APOLD1: variants seen among roughly 807,000 people sequenced by gnomAD.
APOLD1 encodes apolipoprotein L domain containing 1, also known as apolipoprotein L domain-containing protein 1.
A neutral mutation model predicts 15.3 loss-of-function variants in APOLD1; 22 were observed. That is an observed-to-expected ratio of 1.44 (90% CI 1.03 to 2.05). APOLD1 has a LOEUF of 2.05. APOLD1 is among the 30% of genes most tolerant of loss of function. The pLI is 0.00. For missense variants in APOLD1, 394 were observed against 353.5 expected (o/e 1.11, Z -0.92); for synonymous variants, 190 against 167.4 (o/e 1.13, Z -1.04).
At chr12:12,750,178 G>C (rs913928725) in intron 1 of APOLD1, among the ~76,000 whole-genome samples, 1 of 152,060 alleles carries the variant, frequency 6.6e-6, no homozygotes, top group African/African-American at 2.4e-5. Flanking sequence ...TTCGAGACCG[G>C]CCTGACCAAC....
rs989112396 is a variant in APOLD1, at chr12:12,785,695, G to T, written c.3+1G>T. 1 of 1,613,830 alleles carries T rather than the reference G, an allele frequency of 6.2e-7. No individual in the cohort carries two copies. The highest frequency in any genetic ancestry group is 8.5e-7 in the Non-Finnish European group (1 of 1,179,676). ...TCCTGGAGGCAGACAGAAGTGAATG[G>T]TAAGTGGGGAACCCTGAGGCATATA... On this transcript the variant is annotated splice_donor_variant, in intron 1 of 1. Transcript: ENST00000356591. LOFTEE classifies it high-confidence loss of function.
intron 1 of APOLD1, among the ~76,000 whole-genome samples, chr12:12,776,011 A>AAAAC (rs1555091992): frequency 6.7e-6 from 1 of 150,354 alleles, no homozygotes; most frequent in African/African-American, 2.4e-5. Context: ...CTCAAAAAAA[A>AAAAC]AAAAAAAAAA....
At chr12:12,760,807 C>T (rs1946893077) in intron 1 of APOLD1, among the ~76,000 whole-genome samples, 1 of 151,982 alleles carries the variant, frequency 6.6e-6, no homozygotes, top group African/African-American at 2.4e-5. Context: ...AAAGGGCAAC[C>T]CCCTTCCCCA....
chr12:12,760,296 A>T (rs2136385511), intron 1 of APOLD1, among the ~76,000 whole-genome samples: 1 of 152,236 alleles, frequency 6.6e-6, no homozygotes, highest in Non-Finnish European at 1.5e-5. Flanking sequence ...ACTGTACTCC[A>T]GCCTGGGTGA....
intron 1 of APOLD1, among the ~76,000 whole-genome samples, chr12:12,780,273 C>T (rs181612297): frequency 6.7e-6 from 1 of 148,602 alleles, no homozygotes; most frequent in Admixed American, 6.8e-5. Context: ...GAGACAATGT[C>T]TGGCTCTATT....
At chr12:12,768,506 C>A (rs755738620) in intron 1 of APOLD1, among the ~76,000 whole-genome samples, 1 of 151,908 alleles carries the variant, frequency 6.6e-6, no homozygotes, top group Non-Finnish European at 1.5e-5. Context: ...AACAAAAAAA[C>A]CAACCAGGTG....
In APOLD1 at chr12:12,746,760, GAT is replaced by G. The variant is rs1946770007; in HGVS notation, c.96+20666_96+20667del. Among the ~76,000 whole-genome samples the G allele has an allele frequency of 4.6e-5, 7 of 152,254 alleles. No individual in the cohort carries two copies. In the South Asian group the frequency reaches 1.5e-3, roughly 32 times the overall value. Reference sequence around the variant, plus strand: ...TGCCCAAGTAGTGAACGTAGTACCTGATAGGTAGCTTTTCAGCCCTTCTCTCT... The same window carrying G: ...TGCCCAAGTAGTGAACGTAGTACCTGAGGTAGCTTTTCAGCCCTTCTCTCT... On this transcript the variant is annotated intron_variant, in intron 1 of 1. Coordinates refer to the APOLD1 transcript ENST00000326765.
intron 1 of APOLD1, among the ~76,000 whole-genome samples, chr12:12,737,223 G>GGTT (rs1555088146): frequency 6.7e-6 from 1 of 150,294 alleles, no homozygotes. Flanking sequence ...CAACCCAGAG[G>GGTT]TTTTTTTTTT....
chr12:12,732,632 G>A (rs1441229732), intron 1 of APOLD1, among the ~76,000 whole-genome samples: 2 of 151,516 alleles, frequency 1.3e-5, no homozygotes, highest in African/African-American at 4.9e-5. Flanking sequence ...GGCTGAGGCA[G>A]GAGAATCGCT....
At chr12:12,773,319 G>A (rs1472435877) in intron 1 of APOLD1, among the ~76,000 whole-genome samples, 1 of 152,196 alleles carries the variant, frequency 6.6e-6, no homozygotes, top group African/African-American at 2.4e-5. Flanking sequence ...CCAGCACTTT[G>A]GGAGGGTGAA....
intron 1 of APOLD1, among the ~76,000 whole-genome samples, chr12:12,775,630 A>G (rs1186610203): frequency 6.6e-6 from 1 of 152,250 alleles, no homozygotes; most frequent in Non-Finnish European, 1.5e-5. Context: ...TTGGAGAGGA[A>G]AATAGATTAC....
At chr12:12,745,679 A>T (rs1946760151) in intron 1 of APOLD1, among the ~76,000 whole-genome samples, 1 of 152,052 alleles carries the variant, frequency 6.6e-6, no homozygotes, top group Non-Finnish European at 1.5e-5. Flanking sequence ...CATCCAGTAC[A>T]CGTTGAATTT....
rs368984369 is a variant in APOLD1, at chr12:12,787,598, T to C, written c.693T>C (p.Ser231=). 2 of 1,611,158 alleles carry C rather than the reference T, an allele frequency of 1.2e-6. No homozygotes were observed. Among genetic ancestry groups the C allele is most frequent in the African/African-American group, 2.7e-5 (2 of 74,938 alleles). ...ESRVQLCTKS[S]RGHDLKISAD... ...GGGTTCAGCTCTGCACCAAGTCCAG[T>C]CGTGGCCACGACCTCAAGATCTCTG... Residue 231 remains serine, a synonymous_variant, in exon 2 of 2, where the codon AGT becomes AGC. Coordinates refer to ENST00000356591, the MANE Select transcript of APOLD1 (RefSeq NM_030817.3). The surrounding 1 kb of genome is among the most constrained non-coding windows in gnomAD (Gnocchi z 4.9).
At chr12:12,726,026 T>C (rs1258949055) in exon 1 of APOLD1, 3 of 1,526,762 alleles carry the variant, frequency 2.0e-6, no homozygotes, top group East Asian at 5.1e-5. Flanking sequence ...TGTCACCGGC[T>C]GCGGGCCAGG....
At chr12:12,746,778 C>T (rs970346828) in intron 1 of APOLD1, among the ~76,000 whole-genome samples, 1 of 151,904 alleles carries the variant, frequency 6.6e-6, no homozygotes, top group Non-Finnish European at 1.5e-5. Flanking sequence ...GCTTTTCAGC[C>T]CTTCTCTCTT....
intron 1 of APOLD1, among the ~76,000 whole-genome samples, chr12:12,769,829 T>C (rs1427484340): frequency 2.0e-5 from 3 of 152,180 alleles, no homozygotes; most frequent in Non-Finnish European, 4.4e-5. Context: ...TCCAGAGACA[T>C]AGGCTCACTA....
intron 1 of APOLD1, among the ~76,000 whole-genome samples, chr12:12,756,864 G>A (rs1255795530): frequency 2.6e-5 from 4 of 151,954 alleles, no homozygotes; most frequent in African/African-American, 9.7e-5. Context: ...TCGGCTCACT[G>A]CAACCTCCAC....
intron 1 of APOLD1, 127 bp from the exon 2 acceptor site, chr12:12,786,782 T>C (rs1862888273): frequency 7.7e-7 from 1 of 1,300,592 alleles, no homozygotes; most frequent in Admixed American, 4.2e-5. Flanking sequence ...AACAGACCCG[T>C]TCCCCTAGCG....
intron 1 of APOLD1, among the ~76,000 whole-genome samples, chr12:12,731,311 G>A (rs982593301): frequency 6.6e-6 from 1 of 152,050 alleles, no homozygotes; most frequent in African/African-American, 2.4e-5. Context: ...TTTTAAATTG[G>A]CATTTAATAA....
Sources: allele counts gnomAD v4.1 joint callset (sites outside exome capture counted in the v4.1 genomes callset), GRCh38; gene constraint gnomAD v4.1.1; non-coding constraint Gnocchi (gnomAD v3.1); transcripts MANE v1.5; gene names NCBI Gene and HGNC (gene_info 2026-07-23, HGNC 2026-07-21).